Variants in COL28A1 observed in about 807,000 individuals in gnomAD.
COL28A1 encodes collagen type XXVIII alpha 1 chain.
Under a neutral mutation model 150.2 loss-of-function variants are expected in COL28A1, and 161 were observed. The ratio of observed to expected loss-of-function variants is 1.07; its 90% CI spans 0.94 to 1.22. The LOEUF is 1.22. Among genes scored for constraint, COL28A1 ranks in the 50% most tolerant of loss-of-function variants. The probability of loss-of-function intolerance (pLI) is 0.00; values close to 1 mark genes in which losing one functional copy is unlikely to be tolerated. For synonymous variants in COL28A1, 552 were observed against 469.7 expected (o/e 1.18, Z -2.26); for missense variants, 1,617 against 1,388.3 (o/e 1.16, Z -2.62).
intron 11 of COL28A1, among the ~76,000 whole-genome samples, chr7:7,500,457 G>A (rs1390977953): frequency 6.6e-6 from 1 of 152,184 alleles, no homozygotes. Flanking sequence ...CAAAAATAGT[G>A]ATAGACCTGC....
At chr7:7,504,516 A>G (rs1341573254) in intron 11 of COL28A1, among the ~76,000 whole-genome samples, 1 of 151,970 alleles carries the variant, frequency 6.6e-6, no homozygotes, top group African/African-American at 2.4e-5. Flanking sequence ...AGAGAGAGAG[A>G]AGAAGAAGAA....
rs769650295 is a variant in COL28A1 at position 7,380,835 on chromosome 7, C to T, written c.2233G>A (p.Gly745Arg). The change falls in exon 29 of 35, where the codon GGA becomes AGA. Residue 745 changes from glycine to arginine, a missense_variant. Physicochemically the swap from Gly to Arg is moderately radical, Grantham distance 125. Transcript: ENST00000399429. Reference sequence around the variant, plus strand: ...ATTTCTCCTTTATCACCTTTCTTTCCCACATCGCCCCGTTCTCCGTGCTCT... The same window carrying T: ...ATTTCTCCTTTATCACCTTTCTTTCTCACATCGCCCCGTTCTCCGTGCTCT... ...KGEHGERGDVGKKGDKGEIGE... is the reference protein window; with the variant it reads ...KGEHGERGDVRKKGDKGEIGE... 6.2e-7 allele frequency: 1 copy of T among 1,613,906 alleles called. No homozygotes were observed. Among genetic ancestry groups the T allele is most frequent in the Non-Finnish European group, 8.5e-7 (1 of 1,179,858 alleles).
Position 7,358,511 on chromosome 7 carries a change from A to C in COL28A1, c.*122T>G. The C allele has an allele frequency of 1.1e-6, 1 of 889,460 alleles. No individual in the cohort carries two copies. The highest frequency in any genetic ancestry group is 1.8e-6 in the Non-Finnish European group (1 of 571,014). The allele number at this position is 889,460 out of a possible 1,614,324, so 55.1% of individuals were successfully genotyped here. Reference sequence around the variant, plus strand: ...ATCCTAGGGCTGTAGTGAGAATTCAATTACATGTATAAGTTGTAAATACTC... The same window carrying C: ...ATCCTAGGGCTGTAGTGAGAATTCACTTACATGTATAAGTTGTAAATACTC... On this transcript the variant is annotated 3_prime_UTR_variant, in exon 35 of 35. Coordinates refer to ENST00000399429, the MANE Select transcript of COL28A1 (RefSeq NM_001037763.3).
Position 7,437,383 on chromosome 7 carries a change from A to G in COL28A1, c.1791+11T>C, listed in dbSNP as rs1442178299. ...GTCAAGAAAAAGAAAATAATCTCCA[A>G]GAATATATACCTTTGGCCCAGGTGG... On this transcript the variant is annotated intron_variant, in intron 22 of 34. Transcript: ENST00000399429. 2 of 1,604,714 alleles carry G rather than the reference A, an allele frequency of 1.2e-6. No individual in the cohort carries two copies. The highest frequency in any genetic ancestry group is 1.7e-5 in the Admixed American group (1 of 58,218).
At chr7:7,427,565 A>G (rs1784715735) in intron 25 of COL28A1, among the ~76,000 whole-genome samples, 1 of 152,168 alleles carries the variant, frequency 6.6e-6, no homozygotes, top group East Asian at 1.9e-4. Flanking sequence ...GGTGGAGTGT[A>G]CATATGTGAG....
intron 13 of COL28A1, among the ~76,000 whole-genome samples, chr7:7,478,965 G>A (rs867805242): frequency 2.0e-5 from 3 of 152,172 alleles, no homozygotes; most frequent in Admixed American, 6.5e-5. Context: ...CTCAGCCCTC[G>A]GCCATCCCAG....
rs370291156 is a variant in COL28A1, at chr7:7,444,377, C to A, written c.1581+41G>T. 12 of 1,611,288 alleles carry A rather than the reference C, an allele frequency of 7.4e-6. 1 individual carries two copies. Among genetic ancestry groups the A allele is most frequent in the Admixed American group, 3.4e-5 (2 of 59,514 alleles). On this transcript the variant is annotated intron_variant, in intron 19 of 34. Transcript: ENST00000399429. ...GCAGGACCAAGATATCAGTTTGGTTCAACAGTTCCTACTCCAGTAATACGA... is the reference window on the plus strand; with the variant it reads ...GCAGGACCAAGATATCAGTTTGGTTAAACAGTTCCTACTCCAGTAATACGA...
At chr7:7,476,749 T>C (rs1220142583) in intron 14 of COL28A1, among the ~76,000 whole-genome samples, 1 of 152,240 alleles carries the variant, frequency 6.6e-6, no homozygotes, top group African/African-American at 2.4e-5. Flanking sequence ...TTCTTATCTG[T>C]GTTTCACGAA....
intron 13 of COL28A1, among the ~76,000 whole-genome samples, chr7:7,487,578 A>G (rs988493592): frequency 6.6e-6 from 1 of 152,202 alleles, no homozygotes; most frequent in African/African-American, 2.4e-5. Flanking sequence ...ACTCTCTTAA[A>G]AAAAATTAAT....
intron 18 of COL28A1, among the ~76,000 whole-genome samples, chr7:7,449,062 G>T (rs1388312806): frequency 2.0e-5 from 3 of 151,962 alleles, no homozygotes; most frequent in South Asian, 2.1e-4. Flanking sequence ...GATTCCAAGG[G>T]TATACACATA....
intron 28 of COL28A1, 86 bp from the exon 29 acceptor site, chr7:7,380,948 C>G (rs1056617899): frequency 4.0e-5 from 46 of 1,142,764 alleles, no homozygotes; most frequent in Non-Finnish European, 5.8e-5. Context: ...TTATCTGCAA[C>G]TGGCATCTCT....
rs4035101 is a variant in COL28A1, at chr7:7,429,406, C to CCT, written c.1998+3065_1998+3066dup. Among the ~76,000 whole-genome samples, 580 of 134,370 alleles carry CCT rather than the reference C, an allele frequency of 4.3e-3. 3 individuals carry two copies. Among genetic ancestry groups the CCT allele is most frequent in the African/African-American group, 0.015 (440 of 30,248 alleles). 88.2% of individuals were successfully genotyped at this position (134,370 alleles called of 152,430 possible). ...TTGCCAGTTTCTGTCTATGAATCTC[C>CCT]CTCTCTCTCTCTCTCTCTCTCACAT... On this transcript the variant is annotated intron_variant, in intron 25 of 34. Coordinates refer to ENST00000399429, the MANE Select transcript of COL28A1 (RefSeq NM_001037763.3).
At chr7:7,383,279 TG>T (rs1562512210) in intron 27 of COL28A1, among the ~76,000 whole-genome samples, 8 of 141,376 alleles carry the variant, frequency 5.7e-5, no homozygotes, top group African/African-American at 2.0e-4. Context: ...TGTGTGTGTG[TG>T]TGTGTGTGTT....
chr7:7,512,573 C>T (rs1252560695), intron 8 of COL28A1, among the ~76,000 whole-genome samples: 3 of 152,094 alleles, frequency 2.0e-5, no homozygotes, highest in African/African-American at 7.2e-5. Context: ...CCTCTGAATA[C>T]TAATCCATTA....
intron 14 of COL28A1, among the ~76,000 whole-genome samples, chr7:7,476,461 T>C (rs563094109): frequency 6.6e-6 from 1 of 152,336 alleles, no homozygotes; most frequent in East Asian, 1.9e-4. Flanking sequence ...TTCCTTCATT[T>C]ATACATTGTT....
intron 27 of COL28A1, among the ~76,000 whole-genome samples, chr7:7,410,145 C>T (rs545853672): frequency 2.6e-5 from 4 of 152,154 alleles, no homozygotes; most frequent in Admixed American, 6.5e-5. Flanking sequence ...GGCCACAGAT[C>T]CAGCCTCAGT....
intron 3 of COL28A1, among the ~76,000 whole-genome samples, chr7:7,530,313 A>G (rs1366457608): frequency 6.6e-6 from 1 of 152,200 alleles, no homozygotes; most frequent in African/African-American, 2.4e-5. Flanking sequence ...GCTATTATTT[A>G]GGTAAGAAAA....
intron 27 of COL28A1, among the ~76,000 whole-genome samples, chr7:7,396,429 T>C (rs1249660968): frequency 6.6e-6 from 1 of 152,210 alleles, no homozygotes; most frequent in African/African-American, 2.4e-5. Context: ...CATTCCCTAA[T>C]ACTATCTTGG....
chr7:7,354,431 A>G (rs907326263), downstream of COL28A1, among the ~76,000 whole-genome samples: 1 of 152,192 alleles, frequency 6.6e-6, no homozygotes, highest in Non-Finnish European at 1.5e-5. Context: ...TGAAATTAAG[A>G]TAGTTTATTA....
Sources: allele counts gnomAD v4.1 joint callset (sites outside exome capture counted in the v4.1 genomes callset), GRCh38; gene constraint gnomAD v4.1.1; transcripts MANE v1.5; gene names NCBI Gene and HGNC (gene_info 2026-07-23, HGNC 2026-07-21).